The following ZNF107 variants were observed in gnomAD, a reference collection of about 807,000 sequenced individuals.
ZNF107 encodes C2H2 type zinc-finger protein.
ZNF107 carries 19 observed loss-of-function variants against 12.3 expected under a neutral mutation model. The ratio of observed to expected loss-of-function variants is 1.55; its 90% confidence interval spans 1.08 to 2.27. ZNF107 has a LOEUF of 2.27. Ranked by LOEUF, ZNF107 falls within the 30% of genes most tolerant of loss-of-function variation. The pLI, the probability that ZNF107 is intolerant of heterozygous loss-of-function variation, is 0.00. For missense variants in ZNF107, 958 were observed against 979.9 expected, an observed-to-expected ratio of 0.98 and a Z score of 0.30; for synonymous variants, 317 against 330.5, an observed-to-expected ratio of 0.96 and a Z score of 0.44.
chr7:64,691,442 T>A, intron 2 of ZNF107, 68 bp downstream of exon 2: 1 of 1,283,606 alleles, frequency 7.8e-7, no homozygotes, highest in Non-Finnish European at 1.0e-6. Flanking sequence ...TTCTGTAGAC[T>A]GTTTTCTGGT....
intron 3 of ZNF107, 59 bp downstream of exon 3, chr7:64,692,019 G>T (rs1790136714): frequency 1.8e-6 from 2 of 1,140,562 alleles, no homozygotes; most frequent in Non-Finnish European, 2.4e-6. Context: ...AAAGGTCAAA[G>T]AAAAAGCCAG....
At chr7:64,692,949 A>T (rs962700063) in intron 3 of ZNF107, among the ~76,000 whole-genome samples, 13 of 151,998 alleles carry the variant, frequency 8.6e-5, no homozygotes, top group Non-Finnish European at 1.3e-4. Context: ...GCAACCAGCA[A>T]CTTTTTACTT....
intron 1 of ZNF107, among the ~76,000 whole-genome samples, chr7:64,667,574 G>C (rs1789051029): frequency 1.3e-5 from 2 of 152,324 alleles, no homozygotes. Context: ...CTGGGTTTCA[G>C]TACTGTCTGG....
intron 1 of ZNF107, among the ~76,000 whole-genome samples, chr7:64,675,851 G>A (rs949771137): frequency 1.3e-5 from 2 of 152,214 alleles, no homozygotes; most frequent in African/African-American, 4.8e-5. Flanking sequence ...AAGTCATTCA[G>A]GTGCAGGTGT....
chr7:64,681,593 G>A (rs777638039), intron 1 of ZNF107, among the ~76,000 whole-genome samples: 10 of 151,772 alleles, frequency 6.6e-5, no homozygotes, highest in Non-Finnish European at 1.2e-4. Flanking sequence ...TCCCTCCCTT[G>A]CTACAGATCA....
At chr7:64,668,744 T>C (rs973543761) in intron 1 of ZNF107, among the ~76,000 whole-genome samples, 10 of 152,118 alleles carry the variant, frequency 6.6e-5, no homozygotes, top group Admixed American at 2.0e-4. Context: ...GGTGTGTTTT[T>C]TATGGCTGGG....
intron 1 of ZNF107, among the ~76,000 whole-genome samples, chr7:64,677,254 C>T (rs892495656): frequency 1.3e-5 from 2 of 151,788 alleles, no homozygotes; most frequent in African/African-American, 4.8e-5. Context: ...TCACTGCAAC[C>T]TCCATCTCCC....
chr7:64,705,358 G>C lies in ZNF107; in HGVS notation c.227-966G>C, dbSNP rs191159948. On this transcript the variant is annotated intron_variant, in intron 3 of 3. Transcript: ENST00000620827. ...TTTGCTATTTTTAATATTTTTGTTG[G>C]TATTCTCATTTTTCTGATTTTCAAT... Among the ~76,000 whole-genome samples the C allele has an allele frequency of 8.6e-5, 13 of 150,958 alleles. No homozygotes were observed. The East Asian group carries it at 2.3e-3, about 27-fold the overall frequency.
chr7:64,695,584 A>G (rs904521204), intron 3 of ZNF107, among the ~76,000 whole-genome samples: 2 of 152,216 alleles, frequency 1.3e-5, no homozygotes, highest in African/African-American at 4.8e-5. Flanking sequence ...CTTTTAAGTC[A>G]ATGTGGGGTT....
chr7:64,709,074 A>C lies in ZNF107; in HGVS notation c.*418A>C, dbSNP rs1790800155. On this transcript the variant is annotated 3_prime_UTR_variant, in exon 4 of 4. Transcript: ENST00000620827. ...TTGTGAAGAATGTGGCAAAGCTTTT[A>C]ACCAATCCTCATACCTTACTATACA... 3 of 463,724 alleles carry C rather than the reference A, an allele frequency of 6.5e-6. No individual in the cohort carries two copies. The Admixed American group carries it at 7.9e-5, about 12-fold the overall frequency. 28.7% of individuals were successfully genotyped at this position (463,724 alleles called of 1,614,324 possible). A position where few individuals can be genotyped will look rare whatever the true frequency, so the allele number is the denominator to read the frequency against.
chr7:64,689,695 T>TG (rs55993353), intron 1 of ZNF107: 153,156 of 153,156 alleles, frequency 1, 76,578 homozygotes, highest in Non-Finnish European at 1. Flanking sequence ...GCCTTATCCT[T>TG]GGCCATCAGC....
At chr7:64,666,350 G>C in intron 1 of ZNF107, 65 bp downstream of exon 1, 1 of 1,581,988 alleles carries the variant, frequency 6.3e-7, no homozygotes, top group East Asian at 2.3e-5. Flanking sequence ...ATCGGAAGTG[G>C]CTGTGGCTGG....
rs1301945228 is a variant in ZNF107, at chr7:64,706,686, A to G, written c.589A>G (p.Arg197Gly). The change falls in exon 4 of 4, where the codon AGA becomes GGA. Residue 197 changes from arginine to glycine, a missense_variant. Coordinates refer to ENST00000620827, the MANE Select transcript of ZNF107 (RefSeq NM_001282359.2). ...AACTCAGCATAGAAGAATTCATACT[A>G]GAGTGAATTCCTACAAATGTGAAGA... Reference protein sequence around the residue: ...QLTQHRRIHTRVNSYKCEECG... With the variant: ...QLTQHRRIHTGVNSYKCEECG... The G allele has an allele frequency of 1.2e-6, 2 of 1,612,866 alleles. No individual in the cohort carries two copies. The highest frequency in any genetic ancestry group is 2.7e-5 in the African/African-American group (2 of 74,898).
chr7:64,683,583 T>G (rs188945572), intron 1 of ZNF107, among the ~76,000 whole-genome samples: 1 of 152,312 alleles, frequency 6.6e-6, no homozygotes, highest in African/African-American at 2.4e-5. Flanking sequence ...AGTTCCTTCT[T>G]CCTGCCTCAC....
intron 3 of ZNF107, among the ~76,000 whole-genome samples, chr7:64,701,665 G>T (rs891065805): frequency 6.6e-6 from 1 of 151,798 alleles, no homozygotes; most frequent in African/African-American, 2.4e-5. Context: ...TGTCAATCAG[G>T]CTGGCTTGTA....
At chr7:64,695,574 C>T (rs1034025816) in intron 3 of ZNF107, among the ~76,000 whole-genome samples, 1 of 152,108 alleles carries the variant, frequency 6.6e-6, no homozygotes, top group South Asian at 2.1e-4. Context: ...TGTTTGTACA[C>T]TTTTAAGTCA....
At chr7:64,700,960 A>G (rs1790457479) in intron 3 of ZNF107, among the ~76,000 whole-genome samples, 5 of 152,198 alleles carry the variant, frequency 3.3e-5, no homozygotes, top group Admixed American at 3.3e-4. Context: ...GTTATTGAAA[A>G]TAGGGTCTTG....
In ZNF107 at chr7:64,706,992, C is replaced by T; in HGVS notation, c.895C>T (p.His299Tyr). 6.2e-7 allele frequency: 1 copy of T among 1,612,368 alleles called. No individual in the cohort carries two copies. The highest frequency in any genetic ancestry group is 8.5e-7 in the Non-Finnish European group (1 of 1,179,432). ...ECGKVFSQSS[H>Y]LTTQKILHTG... is the part of the protein sequence containing the mutation. ...TGGCAAAGTCTTTAGCCAGTCCTCACACCTTACTACACAAAAGATACTTCA... is the reference window on the plus strand; with the variant it reads ...TGGCAAAGTCTTTAGCCAGTCCTCATACCTTACTACACAAAAGATACTTCA... The change falls in exon 4 of 4, where the codon CAC becomes TAC. Residue 299 changes from histidine (H) to tyrosine (Y), a missense_variant. Transcript: ENST00000620827.
intron 3 of ZNF107, among the ~76,000 whole-genome samples, chr7:64,694,008 G>A (rs1177520366): frequency 3.3e-5 from 5 of 152,154 alleles, no homozygotes; most frequent in Admixed American, 1.3e-4. Context: ...GGCTGGTCTC[G>A]AACTCCTGAC....
Sources: allele counts gnomAD v4.1 joint callset (sites outside exome capture counted in the v4.1 genomes callset), GRCh38; gene constraint gnomAD v4.1.1; transcripts MANE v1.5; gene names NCBI Gene and HGNC (gene_info 2026-07-23, HGNC 2026-07-21).